COL7A1: variants seen among roughly 807,000 people sequenced by gnomAD.
The protein encoded by COL7A1 is collagen type VII alpha 1 chain.
COL7A1 carries 296 observed loss-of-function variants against 456.2 expected under a neutral mutation model. The ratio of observed to expected loss-of-function variants is 0.65; its 90% CI spans 0.59 to 0.71. COL7A1 has a LOEUF of 0.71. COL7A1 is among the 30% of genes least tolerant of loss of function. COL7A1 has a pLI of 0.00. For synonymous variants in COL7A1, 1,464 were observed against 1,525.9 expected (o/e 0.96, Z 0.95); for missense variants, 3,441 against 4,017.2 (o/e 0.86, Z 3.88).
chr3:48,590,158 G>T lies in COL7A1; in HGVS notation c.2050+55C>A. On this transcript the variant is annotated intron_variant, in intron 16 of 118. Transcript: ENST00000681320. This position sits in a 1 kb window ranked among gnomAD's most constrained non-coding sequence, Gnocchi z 4.6. ...GCAAGGGTCTGCAAGGGAAGGCATG[G>T]GGGTCTGAAAGAGCAATGGAGGCAG... The T allele has an allele frequency of 6.3e-7, 1 of 1,594,528 alleles. No homozygotes were observed. The highest frequency in any genetic ancestry group is 8.6e-7 in the Non-Finnish European group (1 of 1,169,330).
At position 48,568,601 on chromosome 3, in the gene COL7A1, T is replaced by A; in HGVS notation, c.7759-67A>T. ...CCCCAACACTGGCCCATCCGCTGCA[T>A]GTGTGGCCACTCAGATGCTCAGCGG... On this transcript the variant is annotated intron_variant, in intron 104 of 118. Coordinates refer to ENST00000681320, the MANE Select transcript of COL7A1 (RefSeq NM_000094.4). This position sits in a 1 kb window ranked among gnomAD's most constrained non-coding sequence, Gnocchi z 5.2. 6.4e-7 allele frequency: 1 copy of A among 1,554,364 alleles called. No individual in the cohort carries two copies. The highest frequency in any genetic ancestry group is 1.4e-5 in the African/African-American group (1 of 73,862).
rs2043564335 is a variant in COL7A1 at position 48,565,501 on chromosome 3, A to G, written c.8441-5T>C. 6.2e-7 allele frequency: 1 copy of G among 1,613,622 alleles called. No individual in the cohort carries two copies. The highest frequency in any genetic ancestry group is 1.3e-5 in the African/African-American group (1 of 75,028). On this transcript the variant is annotated splice_region_variant and splice_polypyrimidine_tract_variant and intron_variant, in intron 115 of 118. Coordinates refer to ENST00000681320, the MANE Select transcript of COL7A1 (RefSeq NM_000094.4). This position sits in a 1 kb window ranked among gnomAD's most constrained non-coding sequence, Gnocchi z 4.5. Reference sequence around the variant, plus strand: ...CAGCATAACTAGGGAGGGGTCCTGGAGCCAAGAGCAGGGGCCTCAGGGCCC... The same window carrying G: ...CAGCATAACTAGGGAGGGGTCCTGGGGCCAAGAGCAGGGGCCTCAGGGCCC...
In COL7A1 at chr3:48,593,889, A is replaced by G. The variant is rs755640301; in HGVS notation, c.267-193T>C. Among the ~76,000 whole-genome samples the G allele has an allele frequency of 6.6e-6, 1 of 152,170 alleles. No homozygotes were observed. The highest frequency in any genetic ancestry group is 1.5e-5 in the Non-Finnish European group (1 of 68,020). Reference sequence around the variant, plus strand: ...CTCCCCAGGGGCTCCTTTGTGCACCATCTGCAGGTGGGCCTGGGCAGACCT... The same window carrying G: ...CTCCCCAGGGGCTCCTTTGTGCACCGTCTGCAGGTGGGCCTGGGCAGACCT... On this transcript the variant is annotated intron_variant, in intron 3 of 118. Coordinates refer to ENST00000681320, the MANE Select transcript of COL7A1 (RefSeq NM_000094.4). The surrounding 1 kb of genome is among the most constrained non-coding windows in gnomAD (Gnocchi z 4.4).
chr3:48,579,457 AC>A lies in COL7A1; in HGVS notation c.5271+22del. ...TGAGGGTAAGATGGGGACTTGGCAG[AC>A]GGGGCAAAGTGCATCACTCACCTGT... On this transcript the variant is annotated intron_variant, in intron 60 of 118. Transcript: ENST00000681320. This position sits in a 1 kb window ranked among gnomAD's most constrained non-coding sequence, Gnocchi z 4.4. 6.2e-7 allele frequency: 1 copy of A among 1,614,140 alleles called. No homozygotes were observed. Among genetic ancestry groups the A allele is most frequent in the South Asian group, 1.1e-5 (1 of 91,082 alleles).
chr3:48,586,018 G>A lies in COL7A1; in HGVS notation c.3724-43C>T. On this transcript the variant is annotated intron_variant, in intron 28 of 118. Coordinates refer to ENST00000681320, the MANE Select transcript of COL7A1 (RefSeq NM_000094.4). The surrounding 1 kb of genome is among the most constrained non-coding windows in gnomAD (Gnocchi z 5.1). ...CTTTGAGGTTGAACATTTCTACCAAGAACCCCCAGACCCCTTATATTCTAC... is the reference window on the plus strand; with the variant it reads ...CTTTGAGGTTGAACATTTCTACCAAAAACCCCCAGACCCCTTATATTCTAC... 4 of 1,613,600 alleles carry A rather than the reference G, an allele frequency of 2.5e-6. No individual in the cohort carries two copies. The highest frequency in any genetic ancestry group is 1.1e-5 in the South Asian group (1 of 91,082).
At position 48,566,539 on chromosome 3, in the gene COL7A1, G is replaced by A. The variant is rs886039330; in HGVS notation, c.8329C>T (p.Arg2777Ter). Residue 2777 changes from arginine (R) to a stop codon, truncating the protein, a stop_gained, in exon 113 of 119, where the codon CGA (arginine) becomes TGA (stop). Transcript: ENST00000681320. LOFTEE classifies it high-confidence loss of function. The surrounding 1 kb of genome is among the most constrained non-coding windows in gnomAD (Gnocchi z 5.9). The part of the protein sequence containing the change: ...EQGRPGPAGP[R>*]GEKGEAALTE... Reference sequence around the variant, plus strand: ...AGTGCAGCTTCTCCCTTCTCGCCTCGAGGACCGGCAGGCCCTGGCCGCCCC... The same window carrying A: ...AGTGCAGCTTCTCCCTTCTCGCCTCAAGGACCGGCAGGCCCTGGCCGCCCC... 7 of 1,613,982 alleles carry A rather than the reference G, an allele frequency of 4.3e-6. No homozygotes were observed. The highest frequency in any genetic ancestry group is 1.1e-5 in the South Asian group (1 of 91,076).
chr3:48,593,879 T>C lies in COL7A1; in HGVS notation c.267-183A>G, dbSNP rs555133264. Among the ~76,000 whole-genome samples, 47 of 152,302 alleles carry C rather than the reference T, an allele frequency of 3.1e-4. No individual in the cohort carries two copies. Among genetic ancestry groups the C allele is most frequent in the Middle Eastern group, 3.4e-3 (1 of 294 alleles). ...GGTTAACAAACTCCCCAGGGGCTCC[T>C]TTGTGCACCATCTGCAGGTGGGCCT... On this transcript the variant is annotated intron_variant, in intron 3 of 118. Coordinates refer to ENST00000681320, the MANE Select transcript of COL7A1 (RefSeq NM_000094.4). The surrounding 1 kb of genome is among the most constrained non-coding windows in gnomAD (Gnocchi z 4.4).
chr3:48,579,599 G>T lies in COL7A1; in HGVS notation c.5224C>A (p.Pro1742Thr). 6.2e-7 allele frequency: 1 copy of T among 1,613,796 alleles called. No homozygotes were observed. The highest frequency in any genetic ancestry group is 8.5e-7 in the Non-Finnish European group (1 of 1,180,000). Residue 1742 changes from proline (P) to threonine (T), a missense_variant, in exon 59 of 119, where the codon CCT becomes ACT. By Grantham distance (38) the Pro-to-Thr change is conservative. Around this residue, in one of 3 missense-constraint regions of COL7A1, gnomAD observed 2,084 missense variants for 2,501.3 expected, o/e 0.83. Coordinates refer to ENST00000681320, the MANE Select transcript of COL7A1 (RefSeq NM_000094.4). The surrounding 1 kb of genome is among the most constrained non-coding windows in gnomAD (Gnocchi z 4.4). Reference sequence around the variant, plus strand: ...CCAATCACACTCACCCTTTCCCCAGGGGCTCCAGGGAGGCCAGGATCACCC... The same window carrying T: ...CCAATCACACTCACCCTTTCCCCAGTGGCTCCAGGGAGGCCAGGATCACCC... ...PKGDPGLPGA[P>T]GERGIEGFRG... is the part of the protein sequence containing the mutation.
Position 48,578,948 on chromosome 3 carries a change from C to A in COL7A1, c.5395G>T (p.Ala1799Ser). ...AAGPSGPNGA[A>S]GKAGDPGRDG... ...CTCCCTGGGTCCCCAGCTTTGCCTG[C>A]AGCACCCTGAGGAGAGACTCAAAGT... is the stretch of plus-strand genomic sequence containing the variant. The change falls in exon 63 of 119, where the codon GCA (alanine) becomes TCA (serine). Residue 1799 changes from alanine to serine, a missense_variant. By Grantham distance (99) the Ala-to-Ser change is moderately conservative. Around this residue, in one of 3 missense-constraint regions of COL7A1, gnomAD observed 2,084 missense variants for 2,501.3 expected, o/e 0.83. Coordinates refer to ENST00000681320, the MANE Select transcript of COL7A1 (RefSeq NM_000094.4). The surrounding 1 kb of genome is among the most constrained non-coding windows in gnomAD (Gnocchi z 4.7). The A allele has an allele frequency of 1.9e-6, 3 of 1,613,998 alleles. No individual in the cohort carries two copies. Among genetic ancestry groups the A allele is most frequent in the Non-Finnish European group, 2.5e-6 (3 of 1,179,980 alleles).
In COL7A1 at chr3:48,573,445, G is replaced by A. The variant is rs192158843; in HGVS notation, c.6618+68C>T. On this transcript the variant is annotated intron_variant, in intron 83 of 118. Coordinates refer to ENST00000681320, the MANE Select transcript of COL7A1 (RefSeq NM_000094.4). This position sits in a 1 kb window ranked among gnomAD's most constrained non-coding sequence, Gnocchi z 5.5. Reference sequence around the variant, plus strand: ...GGAGATGACAGCCCAGGAGGTTGGCGCACACTACCCCAGGCATGGACACAG... The same window carrying A: ...GGAGATGACAGCCCAGGAGGTTGGCACACACTACCCCAGGCATGGACACAG... 2.0e-5 allele frequency: 32 copies of A among 1,613,222 alleles called. No homozygotes were observed. The highest frequency in any genetic ancestry group is 1.3e-4 in the South Asian group (12 of 91,060).
Position 48,574,412 on chromosome 3 carries a change from C to T in COL7A1, c.6456+76G>A, listed in dbSNP as rs957051336. The T allele has an allele frequency of 3.1e-6, 5 of 1,611,604 alleles. No homozygotes were observed. In the African/African-American group the frequency reaches 5.3e-5, roughly 17 times the overall value. On this transcript the variant is annotated intron_variant, in intron 79 of 118. Transcript: ENST00000681320. This position sits in a 1 kb window ranked among gnomAD's most constrained non-coding sequence, Gnocchi z 5.0. ...CCCAGACAGTCCCAGGCAGTACAGA[C>T]CCCAGCCCTGCACACAGGACAATAC...
In COL7A1 at chr3:48,584,758, T is replaced by C; in HGVS notation, c.4023A>G (p.Gly1341=). ...CCGGCTCCCCCTTTGGGCCTCGAGG[T>C]CCTCGCTCTCCCTGAGGACGAAACA... ...PGPRGDPGER[G]PRGPKGEPGA... Residue 1341 remains glycine, a synonymous_variant, in exon 35 of 119, where the codon GGA becomes GGG. Coordinates refer to ENST00000681320, the MANE Select transcript of COL7A1 (RefSeq NM_000094.4). 2 of 1,613,768 alleles carry C rather than the reference T, an allele frequency of 1.2e-6. No homozygotes were observed. Among genetic ancestry groups the C allele is most frequent in the Non-Finnish European group, 1.7e-6 (2 of 1,179,980 alleles).
In COL7A1 at chr3:48,583,270, C is replaced by A; in HGVS notation, c.4438-99G>T. 1.0e-5 allele frequency: 16 copies of A among 1,602,636 alleles called. No homozygotes were observed. Among genetic ancestry groups the A allele is most frequent in the Non-Finnish European group, 1.4e-5 (16 of 1,172,688 alleles). On this transcript the variant is annotated intron_variant, in intron 42 of 118. Transcript: ENST00000681320. This position sits in a 1 kb window ranked among gnomAD's most constrained non-coding sequence, Gnocchi z 5.1. ...AAGGGGTCCCAAACTCCAACCACCC[C>A]CTCCAAAACCACGACCTCTGACCTG...
Position 48,593,294 on chromosome 3 carries a change from C to G in COL7A1, c.521-31G>C. 1.9e-6 allele frequency: 3 copies of G among 1,614,080 alleles called. No individual in the cohort carries two copies. The highest frequency in any genetic ancestry group is 2.5e-6 in the Non-Finnish European group (3 of 1,180,010). ...GTGACGACCCATCAGGACTCAGTCA[C>G]CCACATGCTCTCTGACTGCCCCCAC... On this transcript the variant is annotated intron_variant, in intron 5 of 118. Coordinates refer to ENST00000681320, the MANE Select transcript of COL7A1 (RefSeq NM_000094.4). This position sits in a 1 kb window ranked among gnomAD's most constrained non-coding sequence, Gnocchi z 4.4.
In COL7A1 at chr3:48,587,985, A is replaced by C. The variant is rs546934728; in HGVS notation, c.2711-46T>G. 6.5e-7 allele frequency: 1 copy of C among 1,547,290 alleles called. No individual in the cohort carries two copies. Among genetic ancestry groups the C allele is most frequent in the South Asian group, 1.2e-5 (1 of 84,824 alleles). ...GGGGCCAAGAGCATGTGGGATAGTG[A>C]CACCTGGGGGCATTAAAGGGCCTGC... On this transcript the variant is annotated intron_variant, in intron 21 of 118. Transcript: ENST00000681320. The surrounding 1 kb of genome is among the most constrained non-coding windows in gnomAD (Gnocchi z 6.1).
Position 48,573,753 on chromosome 3 carries a change from G to T in COL7A1, c.6538-28C>A, listed in dbSNP as rs769794129. 6.2e-6 allele frequency: 10 copies of T among 1,613,712 alleles called. No homozygotes were observed. The highest frequency in any genetic ancestry group is 5.3e-5 in the African/African-American group (4 of 74,872). On this transcript the variant is annotated intron_variant, in intron 81 of 118. Transcript: ENST00000681320. This position sits in a 1 kb window ranked among gnomAD's most constrained non-coding sequence, Gnocchi z 5.5. ...GTTGTGGCGAAAAAGAGTCTGATGA[G>T]GGGGAGTTAGCCGCACCCCACCAAG...
chr3:48,574,366 T>A lies in COL7A1; in HGVS notation c.6457-60A>T, dbSNP rs146933521. On this transcript the variant is annotated intron_variant, in intron 79 of 118. Transcript: ENST00000681320. This position sits in a 1 kb window ranked among gnomAD's most constrained non-coding sequence, Gnocchi z 5.0. ...GTTCCAACTTCCCCTCCACCCACCA[T>A]CCCCCTAGACAGAGTCAGGACCCAG... The A allele has an allele frequency of 4.6e-3, 7,455 of 1,611,480 alleles. 27 individuals are homozygous for A. Among genetic ancestry groups the A allele is most frequent in the Non-Finnish European group, 5.7e-3 (6,665 of 1,178,214 alleles).
In COL7A1 at chr3:48,572,596, A is replaced by T. The variant is rs1473022456; in HGVS notation, c.6901-58T>A. 1 of 1,170,558 alleles carries T rather than the reference A, an allele frequency of 8.5e-7. No individual in the cohort carries two copies. Among genetic ancestry groups the T allele is most frequent in the Non-Finnish European group, 1.1e-6 (1 of 872,624 alleles). 72.5% of individuals were successfully genotyped at this position (1,170,558 alleles called of 1,614,324 possible). ...CCCCCGCCCCCACCCTGCCACCCCCATGGCATTTGGAAACAGGCTTGTGGG... is the reference window on the plus strand; with the variant it reads ...CCCCCGCCCCCACCCTGCCACCCCCTTGGCATTTGGAAACAGGCTTGTGGG... On this transcript the variant is annotated intron_variant, in intron 88 of 118. Transcript: ENST00000681320. This position sits in a 1 kb window ranked among gnomAD's most constrained non-coding sequence, Gnocchi z 4.6.
chr3:48,580,666 C>A lies in COL7A1; in HGVS notation c.4981-14G>T. 1 of 1,613,774 alleles carries A rather than the reference C, an allele frequency of 6.2e-7. No individual in the cohort carries two copies. Among genetic ancestry groups the A allele is most frequent in the Non-Finnish European group, 8.5e-7 (1 of 1,179,888 alleles). ...TCCAGGTGCCCCCTAAGAAGAGCAG[C>A]TGGCCTGAGACAGACCCTCCCAATA... On this transcript the variant is annotated splice_polypyrimidine_tract_variant and intron_variant, in intron 54 of 118. Coordinates refer to ENST00000681320, the MANE Select transcript of COL7A1 (RefSeq NM_000094.4). This position sits in a 1 kb window ranked among gnomAD's most constrained non-coding sequence, Gnocchi z 4.5.
Sources: allele counts gnomAD v4.1 joint callset (sites outside exome capture counted in the v4.1 genomes callset), GRCh38; gene constraint gnomAD v4.1.1; regional missense constraint gnomAD v4.1.1; non-coding constraint Gnocchi (gnomAD v3.1); transcripts MANE v1.5; gene names NCBI Gene and HGNC (gene_info 2026-07-23, HGNC 2026-07-21).